The following RORA variants were observed in gnomAD, a reference collection of about 807,000 sequenced individuals.
RORA encodes RAR related orphan receptor A, also known as nuclear receptor ROR-alpha.
In RORA, 7 loss-of-function variants were observed where a neutral mutation model predicts 69.5. The observed-to-expected ratio is 0.10, with a 90% confidence interval of 0.06 to 0.19. The LOEUF is 0.19. Ranked by LOEUF, RORA falls within the 10% of genes least tolerant of loss-of-function variation. The pLI is 1.00. For missense variants in RORA, 457 were observed against 663.0 expected, an observed-to-expected ratio of 0.69 and a Z score of 3.41; for synonymous variants, 261 against 240.8, an observed-to-expected ratio of 1.08 and a Z score of -0.78.
chr15:60,813,057 G>A (rs1439050519), intron 1 of RORA, among the ~76,000 whole-genome samples: 1 of 152,162 alleles, frequency 6.6e-6, no homozygotes, highest in Non-Finnish European at 1.5e-5. Context: ...GATGCAGATC[G>A]GTGGTCTTTC....
At chr15:60,912,504 C>T (rs1307892948) in intron 1 of RORA, among the ~76,000 whole-genome samples, 2 of 152,168 alleles carry the variant, frequency 1.3e-5, no homozygotes, top group Admixed American at 6.5e-5. Flanking sequence ...CCTGCAATCC[C>T]AGCACTTTGG....
chr15:61,203,260 T>A (rs887818996), intron 1 of RORA, among the ~76,000 whole-genome samples: 22 of 152,178 alleles, frequency 1.4e-4, no homozygotes, highest in Non-Finnish European at 4.4e-5. Context: ...TCCATTTATG[T>A]GAAATTCAAT....
At chr15:61,050,702 C>A (rs192963481) in intron 1 of RORA, among the ~76,000 whole-genome samples, 1 of 152,196 alleles carries the variant, frequency 6.6e-6, no homozygotes, top group African/African-American at 2.4e-5. Context: ...GGCTGTGATA[C>A]CTTCTCCTGC....
rs149174222 is a variant in RORA at position 60,904,311 on chromosome 15, C to T, written c.167-225625G>A. 2.8e-3 allele frequency among the ~76,000 whole-genome samples: 426 copies of T among 152,236 alleles called. 1 individual carries two copies. The highest frequency in any genetic ancestry group is 1.0e-2 in the African/African-American group (414 of 41,538). On this transcript the variant is annotated intron_variant, in intron 1 of 10. Transcript: ENST00000335670. ...GGAGTAAGGAGAGAGTCTTTTCCCT[C>T]AATGGTTATTTGCATGGGGGCTAAG...
At chr15:61,036,212 A>G (rs550736049) in intron 1 of RORA, among the ~76,000 whole-genome samples, 22 of 152,278 alleles carry the variant, frequency 1.4e-4, no homozygotes, top group African/African-American at 5.3e-4. Flanking sequence ...GTCCTACGGG[A>G]GCAGCCAGAA....
At chr15:60,893,439 C>G (rs555839212) in intron 1 of RORA, among the ~76,000 whole-genome samples, 2 of 152,184 alleles carry the variant, frequency 1.3e-5, no homozygotes, top group African/African-American at 2.4e-5. Flanking sequence ...GACAACCAAA[C>G]CCCCACTCCG....
At chr15:60,569,502 T>C (rs911558390) in intron 2 of RORA, among the ~76,000 whole-genome samples, 1 of 152,164 alleles carries the variant, frequency 6.6e-6, no homozygotes, top group African/African-American at 2.4e-5. Context: ...AGTAAATATG[T>C]AGTAGATGCT....
chr15:61,073,735 G>A (rs763694396), intron 1 of RORA, among the ~76,000 whole-genome samples: 9 of 152,086 alleles, frequency 5.9e-5, no homozygotes, highest in Non-Finnish European at 8.8e-5. Flanking sequence ...ATTATGCTTC[G>A]TCCATCTTTA....
chr15:61,089,280 C>T (rs1371930676), intron 1 of RORA, among the ~76,000 whole-genome samples: 1 of 152,118 alleles, frequency 6.6e-6, no homozygotes, highest in Non-Finnish European at 1.5e-5. Context: ...AGATAAGTGG[C>T]CACCCTTCCT....
intron 1 of RORA, among the ~76,000 whole-genome samples, chr15:60,702,318 G>C (rs2070995276): frequency 6.6e-6 from 1 of 152,108 alleles, no homozygotes; most frequent in African/African-American, 2.4e-5. Flanking sequence ...CTCAACCTCT[G>C]CCTCCTGGGT....
At chr15:60,811,546 C>A (rs2072742877) in intron 1 of RORA, among the ~76,000 whole-genome samples, 1 of 152,182 alleles carries the variant, frequency 6.6e-6, no homozygotes, top group South Asian at 2.1e-4. Context: ...TGTATTTAAT[C>A]TGCTATCTCT....
At chr15:60,514,162 C>T (rs188213367) in intron 4 of RORA, among the ~76,000 whole-genome samples, 1 of 152,166 alleles carries the variant, frequency 6.6e-6, no homozygotes, top group East Asian at 1.9e-4. Flanking sequence ...GCATGTGATT[C>T]AAAATATCCA....
intron 1 of RORA, among the ~76,000 whole-genome samples, chr15:60,973,916 G>A (rs1399375619): frequency 6.6e-6 from 1 of 152,226 alleles, no homozygotes; most frequent in African/African-American, 2.4e-5. Flanking sequence ...TTAGCTGATG[G>A]AGGATCACTT....
At position 60,843,343 on chromosome 15, in the gene RORA, T is replaced by A. The variant is rs534676546; in HGVS notation, c.167-164657A>T. ...GGGAGAAAAGGCCTCTTAGTAGCCA[T>A]AAAGTCCAGGTACCTCATTTTACAG... On this transcript the variant is annotated intron_variant, in intron 1 of 10. Coordinates refer to ENST00000335670, the MANE Select transcript of RORA (RefSeq NM_134261.3). Among the ~76,000 whole-genome samples the A allele has an allele frequency of 3.3e-5, 5 of 152,244 alleles. No homozygotes were observed. In the South Asian group the frequency reaches 1.0e-3, roughly 32 times the overall value.
intron 1 of RORA, among the ~76,000 whole-genome samples, chr15:60,721,532 T>G (rs2071293399): frequency 6.6e-6 from 1 of 152,278 alleles, no homozygotes; most frequent in South Asian, 2.1e-4. Context: ...TACTGCTATG[T>G]GGAATTCACA....
At chr15:60,561,327 C>T (rs1199381018) in intron 2 of RORA, among the ~76,000 whole-genome samples, 2 of 151,728 alleles carry the variant, frequency 1.3e-5, no homozygotes, top group Non-Finnish European at 2.9e-5. Flanking sequence ...GTGATCCGCC[C>T]GCCTCGGCCT....
chr15:60,872,526 G>A (rs2073568428), intron 1 of RORA, among the ~76,000 whole-genome samples: 1 of 152,082 alleles, frequency 6.6e-6, no homozygotes, highest in Non-Finnish European at 1.5e-5. Flanking sequence ...ATAAAGTAGG[G>A]CAGTGAGAAC....
chr15:60,671,101 T>TATATATATATATATTTA (rs1555444773), intron 2 of RORA, among the ~76,000 whole-genome samples: 1 of 145,082 alleles, frequency 6.9e-6, no homozygotes, highest in African/African-American at 2.7e-5. Context: ...TATATATCTG[T>TATATATATATATATTTA]TTCCTGAGCG....
intron 1 of RORA, among the ~76,000 whole-genome samples, chr15:60,719,252 G>A (rs188639095): frequency 3.7e-4 from 56 of 151,954 alleles, no homozygotes; most frequent in African/African-American, 1.3e-3. Context: ...ATTTAGTGTT[G>A]AGATGACATG....
Sources: gnomAD v4.1 joint callset for allele counts (sites outside exome capture counted in the v4.1 genomes callset) on GRCh38, gnomAD v4.1.1 for gene constraint, MANE v1.5 for transcripts, NCBI Gene and HGNC (gene_info 2026-07-23, HGNC 2026-07-21) for gene names.